Variants in GNA14 observed in about 807,000 individuals in gnomAD.
GNA14 encodes G protein subunit alpha 14, also known as guanine nucleotide-binding protein subunit alpha-14.
A neutral mutation model predicts 42.0 loss-of-function variants in GNA14; 50 were observed. That is an observed-to-expected ratio of 1.19 (90% confidence interval 0.95 to 1.51). GNA14 has a LOEUF of 1.51. Ranked by LOEUF, GNA14 falls within the 40% of genes most tolerant of loss-of-function variation. GNA14 has a pLI of 0.00. For synonymous variants in GNA14, 173 were observed against 163.1 expected (o/e 1.06, Z -0.46); for missense variants, 473 against 446.2 (o/e 1.06, Z -0.54).
chr9:77,482,634 A>T (rs1004002008), intron 2 of GNA14, among the ~76,000 whole-genome samples: 1 of 152,162 alleles, frequency 6.6e-6, no homozygotes. Context: ...CTCCTGGATA[A>T]TATCCTGCAG....
chr9:77,527,004 G>A (rs1173112454), intron 2 of GNA14, among the ~76,000 whole-genome samples: 1 of 152,122 alleles, frequency 6.6e-6, no homozygotes, highest in East Asian at 1.9e-4. Flanking sequence ...TTTTACAAAC[G>A]CTGCTGCCAA....
At chr9:77,605,372 G>T (rs1247610180) in intron 1 of GNA14, among the ~76,000 whole-genome samples, 7 of 152,180 alleles carry the variant, frequency 4.6e-5, no homozygotes, top group African/African-American at 1.7e-4. Flanking sequence ...CGGTGATGGG[G>T]TTCAGGATGT....
At chr9:77,520,735 G>A (rs1837343658) in intron 2 of GNA14, among the ~76,000 whole-genome samples, 1 of 152,096 alleles carries the variant, frequency 6.6e-6, no homozygotes, top group Non-Finnish European at 1.5e-5. Context: ...CACATGTGTT[G>A]GACGGATGCA....
intron 2 of GNA14, among the ~76,000 whole-genome samples, chr9:77,435,520 C>T (rs1377317923): frequency 6.6e-6 from 1 of 152,138 alleles, no homozygotes; most frequent in Non-Finnish European, 1.5e-5. Flanking sequence ...CCTCCCAATG[C>T]ACTACTCTCC....
chr9:77,551,018 G>A (rs1837779989), intron 1 of GNA14, among the ~76,000 whole-genome samples: 1 of 152,200 alleles, frequency 6.6e-6, no homozygotes, highest in Non-Finnish European at 1.5e-5. Context: ...TCTTCAGGCA[G>A]TCTGCTTGGT....
At chr9:77,552,757 T>A (rs1054761856) in intron 1 of GNA14, among the ~76,000 whole-genome samples, 2 of 152,190 alleles carry the variant, frequency 1.3e-5, no homozygotes, top group Non-Finnish European at 2.9e-5. Flanking sequence ...TCACCTTAGT[T>A]TCTTTTTAAT....
chr9:77,431,699 C>G, intron 3 of GNA14: 1 of 385,114 alleles, frequency 2.6e-6, no homozygotes, highest in Non-Finnish European at 4.7e-6. Context: ...GTCTCTTCCT[C>G]CTGGGTTCTA....
chr9:77,605,479 T>C (rs1271936065), intron 1 of GNA14, among the ~76,000 whole-genome samples: 3 of 152,168 alleles, frequency 2.0e-5, no homozygotes, highest in Admixed American at 6.5e-5. Flanking sequence ...AAACAGGTCA[T>C]ACAACCCAGG....
chr9:77,567,762 G>A (rs1309777483), intron 1 of GNA14, among the ~76,000 whole-genome samples: 2 of 152,202 alleles, frequency 1.3e-5, no homozygotes, highest in Non-Finnish European at 2.9e-5. Context: ...AGCTACTCAG[G>A]AGGCTGAGAC....
chr9:77,648,104 G>A lies in GNA14; in HGVS notation c.-311C>T. The A allele has an allele frequency of 4.9e-6, 2 of 407,308 alleles. No individual in the cohort carries two copies. The highest frequency in any genetic ancestry group is 5.7e-5 in the East Asian group (1 of 17,534). The allele number at this position is 407,308 out of a possible 1,614,324, so 25.2% of individuals were successfully genotyped here. A position where few individuals can be genotyped will look rare whatever the true frequency, so the allele number is the denominator to read the frequency against. ...AGAAGTTGGGAGCGTTGCTGGCCCC[G>A]GGAAGATGCGCGCGCCCCTTGGCAC... On this transcript the variant is annotated 5_prime_UTR_variant, in exon 1 of 7. Transcript: ENST00000341700.
At chr9:77,641,358 C>T (rs931050632) in intron 1 of GNA14, among the ~76,000 whole-genome samples, 1 of 151,554 alleles carries the variant, frequency 6.6e-6, no homozygotes. Flanking sequence ...TGTCTCTCCA[C>T]AAAATTATGA....
intron 1 of GNA14, among the ~76,000 whole-genome samples, chr9:77,597,599 G>T (rs1823487176): frequency 6.6e-6 from 1 of 151,506 alleles, no homozygotes; most frequent in South Asian, 2.1e-4. Flanking sequence ...GCTCGTCTTG[G>T]TATTAGGTTG....
chr9:77,620,554 G>A lies in GNA14; in HGVS notation c.124+27116C>T, dbSNP rs140935734. 4.5e-3 allele frequency among the ~76,000 whole-genome samples: 689 copies of A among 152,202 alleles called. 5 individuals carry two copies. Among genetic ancestry groups the A allele is most frequent in the African/African-American group, 0.016 (649 of 41,526 alleles). On this transcript the variant is annotated intron_variant, in intron 1 of 6. Coordinates refer to ENST00000341700, the MANE Select transcript of GNA14 (RefSeq NM_004297.4). ...GTTTTCCTAATCATCCTAATAATTA[G>A]AAACAAATCCATTGCTGGGCGTGGT...
At chr9:77,633,136 A>G (rs1353082163) in intron 1 of GNA14, among the ~76,000 whole-genome samples, 2 of 152,332 alleles carry the variant, frequency 1.3e-5, no homozygotes, top group East Asian at 3.9e-4. Flanking sequence ...AAGGAGGATG[A>G]TAAGTACAAT....
chr9:77,544,936 C>G (rs1177229961), intron 1 of GNA14, among the ~76,000 whole-genome samples: 1 of 152,104 alleles, frequency 6.6e-6, no homozygotes, highest in Non-Finnish European at 1.5e-5. Flanking sequence ...GAGAAGTAAT[C>G]TAACACTACA....
intron 1 of GNA14, among the ~76,000 whole-genome samples, chr9:77,617,261 T>A (rs942086822): frequency 1.3e-5 from 2 of 152,098 alleles, no homozygotes; most frequent in Non-Finnish European, 2.9e-5. Context: ...AACTGTTTGT[T>A]GACTGTCTAC....
At chr9:77,607,204 A>G (rs1405389320) in intron 1 of GNA14, among the ~76,000 whole-genome samples, 1 of 152,244 alleles carries the variant, frequency 6.6e-6, no homozygotes, top group East Asian at 1.9e-4. Context: ...GTCTGTAATA[A>G]TAAATAGAAC....
At chr9:77,472,632 T>C (rs964954097) in intron 2 of GNA14, among the ~76,000 whole-genome samples, 1 of 152,224 alleles carries the variant, frequency 6.6e-6, no homozygotes, top group African/African-American at 2.4e-5. Flanking sequence ...ACTACTGTTA[T>C]TGTGTCACCC....
chr9:77,455,077 G>A (rs551066412), intron 2 of GNA14, among the ~76,000 whole-genome samples: 2 of 152,272 alleles, frequency 1.3e-5, no homozygotes, highest in East Asian at 3.9e-4. Flanking sequence ...TCTGTGCAAG[G>A]TCTCACAAGG....
Sources: gnomAD v4.1 joint callset for allele counts (sites outside exome capture counted in the v4.1 genomes callset) on GRCh38, gnomAD v4.1.1 for gene constraint, MANE v1.5 for transcripts, NCBI Gene and HGNC (gene_info 2026-07-23, HGNC 2026-07-21) for gene names.